MAPRE3: variants seen among roughly 807,000 people sequenced by gnomAD.
The protein encoded by MAPRE3 is microtubule associated protein RP/EB family member 3.
Under a neutral mutation model 30.5 loss-of-function variants are expected in MAPRE3, and 2 were observed. The observed-to-expected ratio is 0.07, with a 90% CI of 0.03 to 0.21. The LOEUF is 0.21. Ranked by LOEUF, MAPRE3 falls within the 10% of genes least tolerant of loss-of-function variation. MAPRE3 has a pLI of 1.00. For synonymous variants in MAPRE3, 110 were observed against 127.7 expected (o/e 0.86, Z 0.93); for missense variants, 204 against 351.8 (o/e 0.58, Z 3.36).
At chr2:26,971,619 CT>C (rs201981015) in intron 1 of MAPRE3, among the ~76,000 whole-genome samples, 647 of 140,824 alleles carry the variant, frequency 4.6e-3, no homozygotes, top group Non-Finnish European at 4.7e-3. Context: ...CTTTAAAATG[CT>C]TTTTTTTTTT....
chr2:27,005,436 T>G (rs575230816), intron 1 of MAPRE3, among the ~76,000 whole-genome samples: 1 of 152,282 alleles, frequency 6.6e-6, no homozygotes, highest in African/African-American at 2.4e-5. Flanking sequence ...GCAAGAAACT[T>G]TGGGGTCATC....
intron 3 of MAPRE3, 66 bp downstream of exon 3, chr2:27,023,543 A>G: frequency 2.5e-6 from 4 of 1,599,192 alleles, no homozygotes; most frequent in Non-Finnish European, 3.4e-6. Context: ...AGGACCCACC[A>G]GCCCAGGCAA....
chr2:27,002,398 T>TA (rs1376075269), intron 1 of MAPRE3, among the ~76,000 whole-genome samples: 1 of 143,444 alleles, frequency 7.0e-6, no homozygotes, highest in Admixed American at 7.5e-5. Context: ...AAAGAGTATA[T>TA]AAAATCTAAA....
intron 1 of MAPRE3, among the ~76,000 whole-genome samples, chr2:27,002,421 T>TC (rs1475252571): frequency 1.3e-5 from 2 of 148,622 alleles, no homozygotes; most frequent in African/African-American, 4.9e-5. Context: ...CTTTTAATCT[T>TC]TTTTTTTTTT....
chr2:27,015,220 C>T lies in MAPRE3; in HGVS notation c.-7-6992C>T, dbSNP rs551041470. On this transcript the variant is annotated intron_variant, in intron 1 of 6. Coordinates refer to ENST00000233121, the MANE Select transcript of MAPRE3 (RefSeq NM_012326.4). The surrounding 1 kb of genome is among the most constrained non-coding windows in gnomAD (Gnocchi z 4.0). ...CCCTTAGATTCTCACTGTCTGTCCC[C>T]GCGATGCTGACAGCACTTGCCAAAT... 2.6e-5 allele frequency among the ~76,000 whole-genome samples: 4 copies of T among 152,330 alleles called. No individual in the cohort carries two copies. The South Asian group carries it at 6.2e-4, about 24-fold the overall frequency.
chr2:27,025,989 G>A lies in MAPRE3; in HGVS notation c.734G>A (p.Ser245Asn). 1 of 1,614,222 alleles carries A rather than the reference G, an allele frequency of 6.2e-7. No individual in the cohort carries two copies. Among genetic ancestry groups the A allele is most frequent in the Non-Finnish European group, 8.5e-7 (1 of 1,180,034 alleles). Reference sequence around the variant, plus strand: ...TGCCAGGAGCATGAAAGTGAAAACAGCCCTGTTATCTCAGGCATCATTGGC... The same window carrying A: ...TGCCAGGAGCATGAAAGTGAAAACAACCCTGTTATCTCAGGCATCATTGGC... ...LICQEHESEN[S>N]PVISGIIGIL... The change falls in exon 6 of 7, where the codon AGC (serine) becomes AAC (asparagine). Residue 245 changes from serine to asparagine, a missense_variant. Ser to Asn is a conservative substitution (Grantham distance 46). Around this residue, in one of 5 missense-constraint regions of MAPRE3, gnomAD observed 42 missense variants for 81.2 expected, o/e 0.52. Coordinates refer to ENST00000233121, the MANE Select transcript of MAPRE3 (RefSeq NM_012326.4).
chr2:26,987,747 T>C (rs1221928234), intron 1 of MAPRE3, among the ~76,000 whole-genome samples: 1 of 152,200 alleles, frequency 6.6e-6, no homozygotes, highest in Non-Finnish European at 1.5e-5. Flanking sequence ...AAGAATCTTA[T>C]TAGGACAGAA....
chr2:26,972,617 G>A (rs187898533), intron 1 of MAPRE3, among the ~76,000 whole-genome samples: 6 of 152,296 alleles, frequency 3.9e-5, no homozygotes, highest in Non-Finnish European at 8.8e-5. Flanking sequence ...CAAAATACCC[G>A]AGCAGGGCAG....
In MAPRE3 at chr2:26,970,801, C is replaced by G. The variant is rs1488123204; in HGVS notation, c.-9C>G. ...GCCTCCGCCGGAGCCGCCTCGTGCA[C>G]TGTGAGTCCGGGCCGAGGCGACGGA... On this transcript the variant is annotated splice_region_variant and 5_prime_UTR_variant, in exon 1 of 7. Transcript: ENST00000233121. 6.6e-6 allele frequency: 1 copy of G among 152,066 alleles called. No homozygotes were observed. The highest frequency in any genetic ancestry group is 1.5e-5 in the Non-Finnish European group (1 of 68,054). The allele number at this position is 152,066 out of a possible 1,614,324, so 9.4% of individuals were successfully genotyped here. A position where few individuals can be genotyped will look rare whatever the true frequency, so the allele number is the denominator to read the frequency against.
intron 1 of MAPRE3, among the ~76,000 whole-genome samples, chr2:26,983,244 C>T (rs1291350510): frequency 6.6e-6 from 1 of 152,210 alleles, no homozygotes; most frequent in African/African-American, 2.4e-5. Context: ...ATTTCCCACT[C>T]TCCTAGGTAT....
intron 4 of MAPRE3, 63 bp downstream of exon 4, chr2:27,024,360 GAGTGCCCCCTGGGCC>G: frequency 6.7e-7 from 1 of 1,497,574 alleles, no homozygotes; most frequent in Non-Finnish European, 9.0e-7. Context: ...CTATAGCCAG[GAGTGCCCCCTGGGCC>G]ACGGCCCGGC....
chr2:27,026,722 T>A lies in MAPRE3; in HGVS notation c.*374T>A, dbSNP rs1667253616. ...TATATTTTTACTTACTGGATTCTCCTTGCACTTTACCTGTTCTTTTCCAGA... is the reference window on the plus strand; with the variant it reads ...TATATTTTTACTTACTGGATTCTCCATGCACTTTACCTGTTCTTTTCCAGA... On this transcript the variant is annotated 3_prime_UTR_variant, in exon 7 of 7. Coordinates refer to ENST00000233121, the MANE Select transcript of MAPRE3 (RefSeq NM_012326.4). 5 of 202,240 alleles carry A rather than the reference T, an allele frequency of 2.5e-5. No homozygotes were observed. The Admixed American group carries it at 3.0e-4, about 12-fold the overall frequency. 12.5% of individuals were successfully genotyped at this position (202,240 alleles called of 1,614,324 possible).
At chr2:27,020,400 T>C (rs1032651695) in intron 1 of MAPRE3, among the ~76,000 whole-genome samples, 1 of 152,248 alleles carries the variant, frequency 6.6e-6, no homozygotes, top group Admixed American at 6.5e-5. Context: ...GAAACACATG[T>C]CCTCACAATT....
rs1666200276 is a variant in MAPRE3 at position 26,985,531 on chromosome 2, A to G, written c.-8+14729A>G. Among the ~76,000 whole-genome samples, 1 of 152,152 alleles carries G rather than the reference A, an allele frequency of 6.6e-6. No individual in the cohort carries two copies. The highest frequency in any genetic ancestry group is 1.5e-5 in the Non-Finnish European group (1 of 68,030). On this transcript the variant is annotated intron_variant, in intron 1 of 6. Transcript: ENST00000233121. This position sits in a 1 kb window ranked among gnomAD's most constrained non-coding sequence, Gnocchi z 4.2. ...CCATGGCCACAGGGCAACCACCATA[A>G]CTCAGAGCAACCCCTGGAGAATGAG... is the stretch of plus-strand genomic sequence containing the variant.
chr2:26,979,814 C>G (rs1666078775), intron 1 of MAPRE3, among the ~76,000 whole-genome samples: 1 of 152,060 alleles, frequency 6.6e-6, no homozygotes, highest in Non-Finnish European at 1.5e-5. Context: ...GTGACATTAA[C>G]CAGAAATTAG....
At chr2:26,987,766 G>T (rs1666254091) in intron 1 of MAPRE3, among the ~76,000 whole-genome samples, 1 of 152,184 alleles carries the variant, frequency 6.6e-6, no homozygotes, top group African/African-American at 2.4e-5. Context: ...AAATGTTTGT[G>T]TTCCTAACCA....
At chr2:27,020,982 C>G (rs1351092911) in intron 1 of MAPRE3, among the ~76,000 whole-genome samples, 1 of 151,260 alleles carries the variant, frequency 6.6e-6, no homozygotes. Flanking sequence ...CAAAAATATT[C>G]AGGAAAAAAA....
intron 1 of MAPRE3, among the ~76,000 whole-genome samples, chr2:26,984,451 T>C (rs1666178732): frequency 6.6e-6 from 1 of 152,178 alleles, no homozygotes; most frequent in Non-Finnish European, 1.5e-5. Flanking sequence ...TGTAGAAAAA[T>C]TGGAAAAGAT....
intron 1 of MAPRE3, among the ~76,000 whole-genome samples, chr2:27,019,375 G>A (rs929137441): frequency 7.0e-6 from 1 of 143,286 alleles, no homozygotes; most frequent in African/African-American, 2.6e-5. Flanking sequence ...TGGGGGTATG[G>A]CAGGGGGATG....
Sources: gnomAD v4.1 joint callset for allele counts (sites outside exome capture counted in the v4.1 genomes callset) on GRCh38, gnomAD v4.1.1 for gene constraint, gnomAD v4.1.1 regional missense constraint, Gnocchi (gnomAD v3.1) non-coding constraint, MANE v1.5 for transcripts, NCBI Gene and HGNC (gene_info 2026-07-23, HGNC 2026-07-21) for gene names.